Variants in RETREG3 observed in about 807,000 individuals in gnomAD.
RETREG3 encodes the protein reticulophagy regulator 3.
In RETREG3, 23 loss-of-function variants were observed where a neutral mutation model predicts 50.2. That is an observed-to-expected ratio of 0.46 (90% CI 0.33 to 0.65). RETREG3 has a LOEUF of 0.65. RETREG3 is among the 30% of genes least tolerant of loss of function. The probability of loss-of-function intolerance (pLI) is 0.02; values close to 1 mark genes in which losing one functional copy is unlikely to be tolerated. For missense variants in RETREG3, 546 were observed against 598.0 expected (o/e 0.91, Z 0.91); for synonymous variants, 240 against 234.4 (o/e 1.02, Z -0.22).
At position 42,581,720 on chromosome 17, in the gene RETREG3, A is replaced by C; in HGVS notation, c.*93T>G. 1 of 1,150,394 alleles carries C rather than the reference A, an allele frequency of 8.7e-7. No individual in the cohort carries two copies. 71.3% of individuals were successfully genotyped at this position (1,150,394 alleles called of 1,614,324 possible). A position where few individuals can be genotyped will look rare whatever the true frequency, so the allele number is the denominator to read the frequency against. ...CCAGCATACAAATATAATTCAGGGG[A>C]GGGGAGCTGAGTTCTTCCCTTGCCC... is the stretch of plus-strand genomic sequence containing the variant. On this transcript the variant is annotated 3_prime_UTR_variant, in exon 9 of 9. Transcript: ENST00000309428.
intron 1 of RETREG3, among the ~76,000 whole-genome samples, chr17:42,606,530 G>A (rs1360356292): frequency 6.6e-6 from 1 of 151,554 alleles, no homozygotes; most frequent in East Asian, 1.9e-4. Context: ...GAACCCGGGA[G>A]GCAGAGCTTG....
intron 4 of RETREG3, chr17:42,586,483 A>G (rs1567921503): frequency 9.6e-6 from 4 of 414,740 alleles, no homozygotes; most frequent in Non-Finnish European, 1.7e-5. Context: ...CCTATCACAT[A>G]TTTAATATGA....
rs2093103297 is a variant in RETREG3 at position 42,579,775 on chromosome 17, G to C, written c.*2038C>G. 2.6e-5 allele frequency: 4 copies of C among 152,752 alleles called. No homozygotes were observed. In the South Asian group the frequency reaches 8.3e-4, roughly 32 times the overall value. The allele number at this position is 152,752 out of a possible 1,614,324, so 9.5% of individuals were successfully genotyped here. A position where few individuals can be genotyped will look rare whatever the true frequency, so the allele number is the denominator to read the frequency against. ...CTTGAGAGGTGTCAAAAGTCTGTTT[G>C]AGAAGCCTAAAGTGGGGAGATGCCA... On this transcript the variant is annotated 3_prime_UTR_variant, in exon 9 of 9. Coordinates refer to ENST00000309428, the MANE Select transcript of RETREG3 (RefSeq NM_178126.4).
At chr17:42,600,827 A>G (rs959315956) in intron 1 of RETREG3, among the ~76,000 whole-genome samples, 4 of 152,194 alleles carry the variant, frequency 2.6e-5, no homozygotes, top group Non-Finnish European at 5.9e-5. Context: ...CACATAATAC[A>G]TAGACAATTA....
chr17:42,603,384 A>T (rs1043863518), intron 1 of RETREG3, among the ~76,000 whole-genome samples: 1 of 152,226 alleles, frequency 6.6e-6, no homozygotes, highest in Non-Finnish European at 1.5e-5. Flanking sequence ...CTGTTACTGT[A>T]CAGCACTTGT....
At chr17:42,604,461 G>A (rs573182308) in intron 1 of RETREG3, among the ~76,000 whole-genome samples, 2 of 152,054 alleles carry the variant, frequency 1.3e-5, no homozygotes, top group African/African-American at 4.8e-5. Context: ...TTAGAGATGA[G>A]GAGTTTGAGA....
At chr17:42,603,073 C>T (rs570944475) in intron 1 of RETREG3, among the ~76,000 whole-genome samples, 2 of 151,930 alleles carry the variant, frequency 1.3e-5, no homozygotes, top group East Asian at 1.9e-4. Flanking sequence ...TGAACTGTCC[C>T]TCCACTCTGT....
intron 6 of RETREG3, 54 bp downstream of exon 6, chr17:42,585,071 T>A: frequency 6.3e-7 from 1 of 1,597,720 alleles, no homozygotes; most frequent in East Asian, 2.2e-5. Context: ...CCTATGGGCT[T>A]CTCCTTTTCG....
At chr17:42,582,483 C>T (rs2093111575) in intron 8 of RETREG3, among the ~76,000 whole-genome samples, 191 bp downstream of exon 8, 1 of 152,214 alleles carries the variant, frequency 6.6e-6, no homozygotes, top group African/African-American at 2.4e-5. Flanking sequence ...CCTGAGGCTA[C>T]TAAGGGACTA....
In RETREG3 at chr17:42,586,117, C is replaced by A; in HGVS notation, c.525G>T (p.Gly175=). Residue 175 remains glycine (G), a synonymous_variant, in exon 5 of 9, where the codon GGG becomes GGT. Coordinates refer to ENST00000309428, the MANE Select transcript of RETREG3 (RefSeq NM_178126.4). ...CCAAGACAGCCAAAAAGGTCAGTAT[C>A]CCACAGCTCAGCAAGCAGAACTGGG... The part of the protein sequence containing the change: ...NPGKFCLLSC[G]ILTFLAVLGR... 1 of 1,614,002 alleles carries A rather than the reference C, an allele frequency of 6.2e-7. No homozygotes were observed. Among genetic ancestry groups the A allele is most frequent in the Non-Finnish European group, 8.5e-7 (1 of 1,179,992 alleles).
intron 1 of RETREG3, among the ~76,000 whole-genome samples, chr17:42,606,861 G>A (rs2093168638): frequency 6.6e-6 from 1 of 152,070 alleles, no homozygotes; most frequent in South Asian, 2.1e-4. Flanking sequence ...CCAGGCATTG[G>A]TGGCGCATGC....
At chr17:42,606,251 C>T (rs1178933415) in intron 1 of RETREG3, among the ~76,000 whole-genome samples, 1 of 152,122 alleles carries the variant, frequency 6.6e-6, no homozygotes, top group Non-Finnish European at 1.5e-5. Flanking sequence ...CAAATTAAAG[C>T]TAGCTGTAAC....
intron 1 of RETREG3, among the ~76,000 whole-genome samples, chr17:42,595,349 T>C (rs996726079): frequency 3.9e-5 from 6 of 151,970 alleles, no homozygotes; most frequent in Admixed American, 3.3e-4. Context: ...CTCGTGATCC[T>C]ACCTTGGCCT....
chr17:42,598,746 G>A (rs1597740859), intron 1 of RETREG3: 1 of 152,080 alleles, frequency 6.6e-6, no homozygotes, highest in Admixed American at 6.6e-5. Flanking sequence ...GAATTTACTT[G>A]AGAGTAAAGT....
At position 42,583,265 on chromosome 17, in the gene RETREG3, C is replaced by T. The variant is rs368199448; in HGVS notation, c.810+233G>A. Among the ~76,000 whole-genome samples the T allele has an allele frequency of 3.0e-4, 46 of 152,010 alleles. 2 individuals are homozygous for T. Among genetic ancestry groups the T allele is most frequent in the East Asian group, 1.9e-4 (1 of 5,192 alleles). The stretch of plus-strand genomic sequence containing the variant: ...CATAATGGTAGGGTAAAAAGAGATA[C>T]GGAAGAGCGGTGCTGGGCATCAGGC... On this transcript the variant is annotated intron_variant, in intron 7 of 8. Coordinates refer to ENST00000309428, the MANE Select transcript of RETREG3 (RefSeq NM_178126.4).
rs1023824619 is a variant in RETREG3 at position 42,583,573 on chromosome 17, G to A, written c.735C>T (p.Arg245=). Residue 245 remains arginine (R), a synonymous_variant, in exon 7 of 9, where the codon CGC becomes CGT. Coordinates refer to ENST00000309428, the MANE Select transcript of RETREG3 (RefSeq NM_178126.4). ...MSKQRERQLR[R]RALHPERAMD... Reference sequence around the variant, plus strand: ...TGGCTCGTTCTGGGTGGAGAGCTCTGCGGCGTACTGTGGGAAGAGCACAAA... The same window carrying A: ...TGGCTCGTTCTGGGTGGAGAGCTCTACGGCGTACTGTGGGAAGAGCACAAA... 3.1e-6 allele frequency: 5 copies of A among 1,613,642 alleles called. No individual in the cohort carries two copies. The highest frequency in any genetic ancestry group is 4.2e-6 in the Non-Finnish European group (5 of 1,179,666).
intron 1 of RETREG3, among the ~76,000 whole-genome samples, chr17:42,600,845 G>A (rs1440492755): frequency 6.6e-6 from 1 of 152,186 alleles, no homozygotes; most frequent in Admixed American, 6.5e-5. Context: ...TTAGCCTGAT[G>A]TGGTGATGAA....
intron 1 of RETREG3, among the ~76,000 whole-genome samples, chr17:42,595,666 C>CTTTTTTTT (rs770492649): frequency 2.2e-5 from 3 of 134,458 alleles, no homozygotes; most frequent in Admixed American, 7.5e-5. Flanking sequence ...TTCTTTCTTT[C>CTTTTTTTT]TTTTTTTTTT....
chr17:42,607,431 T>G (rs1219936121), intron 1 of RETREG3, among the ~76,000 whole-genome samples: 1 of 136,186 alleles, frequency 7.3e-6, no homozygotes, highest in Non-Finnish European at 1.5e-5. Flanking sequence ...GCCCAGGAAG[T>G]GGAAGTTGCA....
Sources: allele counts gnomAD v4.1 joint callset (sites outside exome capture counted in the v4.1 genomes callset), GRCh38; gene constraint gnomAD v4.1.1; transcripts MANE v1.5; gene names NCBI Gene and HGNC (gene_info 2026-07-23, HGNC 2026-07-21).